Variants in TTC36 observed in about 807,000 individuals in gnomAD.
TTC36 encodes tetratricopeptide repeat domain 36.
In TTC36, 15 loss-of-function variants were observed where a neutral mutation model predicts 17.5. That is an observed-to-expected ratio of 0.86 (90% CI 0.57 to 1.32). The LOEUF (loss-of-function observed/expected upper bound fraction) is 1.32. TTC36 is among the 40% of genes most tolerant of loss of function. The pLI, the probability that TTC36 is intolerant of heterozygous loss-of-function variation, is 0.00. For synonymous variants in TTC36, 112 were observed against 109.8 expected (o/e 1.02, Z -0.13); for missense variants, 292 against 260.9 (o/e 1.12, Z -0.82).
At position 118,530,955 on chromosome 11, in the gene TTC36, A is replaced by C. The variant is rs1555057627; in HGVS notation, c.*39A>C. Reference sequence around the variant, plus strand: ...GGGCGTCCGCGGGCGAGGGGACGGGACTGGGCCCTGAACCAATAAAGCCGT... The same window carrying C: ...GGGCGTCCGCGGGCGAGGGGACGGGCCTGGGCCCTGAACCAATAAAGCCGT... On this transcript the variant is annotated 3_prime_UTR_variant, in exon 3 of 3. Transcript: ENST00000302783. This position sits in a 1 kb window ranked among gnomAD's most constrained non-coding sequence, Gnocchi z 5.8. 1.4e-6 allele frequency: 2 copies of C among 1,468,480 alleles called. No homozygotes were observed. 91.0% of individuals were successfully genotyped at this position (1,468,480 alleles called of 1,614,324 possible).
Position 118,530,814 on chromosome 11 carries a change from C to G in TTC36, c.468C>G (p.Phe156Leu). The change falls in exon 3 of 3, where the codon TTC (phenylalanine) becomes TTG (leucine). Residue 156 changes from phenylalanine to leucine, a missense_variant. By Grantham distance (22) the Phe-to-Leu change is conservative (BLOSUM62 0). Transcript: ENST00000302783. The surrounding 1 kb of genome is among the most constrained non-coding windows in gnomAD (Gnocchi z 5.8). Reference protein sequence around the residue: ...FERAARLGSPFARRQLVLLNP... With the variant: ...FERAARLGSPLARRQLVLLNP... ...GGGCGGCACGGCTGGGCAGCCCCTT[C>G]GCGCGGCGCCAGCTGGTGCTGCTCA... 1 of 1,504,002 alleles carries G rather than the reference C, an allele frequency of 6.6e-7. No homozygotes were observed. The allele number at this position is 1,504,002 out of a possible 1,614,324, so 93.2% of individuals were successfully genotyped here. A position where few individuals can be genotyped will look rare whatever the true frequency, so the allele number is the denominator to read the frequency against.
rs782208685 is a variant in TTC36 at position 118,530,695 on chromosome 11, GGCCGGGGCCGCGCCGCCC to G, written c.353_370del (p.Arg118_Arg123del). 4.7e-6 allele frequency: 7 copies of G among 1,476,932 alleles called. No homozygotes were observed. The Admixed American group carries it at 1.7e-4, about 36-fold the overall frequency. 91.5% of individuals were successfully genotyped at this position (1,476,932 alleles called of 1,614,324 possible). On this transcript the variant is annotated inframe_deletion, in exon 3 of 3. Transcript: ENST00000302783. The surrounding 1 kb of genome is among the most constrained non-coding windows in gnomAD (Gnocchi z 5.8). The stretch of plus-strand genomic sequence containing the variant: ...GGAACGCGCGGTGGAGCTGAGCGGC[GGCCGGGGCCGCGCCGCCC>G]GCCAGAGCTTTGTGCAGCGCGGACT...
chr11:118,530,928 CCGGGCGTCCGCGGGCGAGGGGA>C lies in TTC36; in HGVS notation c.*17_*38del, dbSNP rs1555057589. The C allele has an allele frequency of 4.7e-6, 7 of 1,485,438 alleles. No homozygotes were observed. Among genetic ancestry groups the C allele is most frequent in the East Asian group, 2.8e-5 (1 of 36,118 alleles). 92.0% of individuals were successfully genotyped at this position (1,485,438 alleles called of 1,614,324 possible). On this transcript the variant is annotated 3_prime_UTR_variant, in exon 3 of 3. Coordinates refer to ENST00000302783, the MANE Select transcript of TTC36 (RefSeq NM_001080441.4). This position sits in a 1 kb window ranked among gnomAD's most constrained non-coding sequence, Gnocchi z 5.8. ...GTGACAGCCGCTGAGCGCCGCGGACCCGGGCGTCCGCGGGCGAGGGGACGGGACTGGGCCCTGAACCAATAAA... is the reference window on the plus strand; with the variant it reads ...GTGACAGCCGCTGAGCGCCGCGGACCCGGGACTGGGCCCTGAACCAATAAA...
Position 118,530,943 on chromosome 11 carries a change from C to T in TTC36, c.*27C>T, listed in dbSNP as rs1555057612. ...CGCCGCGGACCCGGGCGTCCGCGGG[C>T]GAGGGGACGGGACTGGGCCCTGAAC... On this transcript the variant is annotated 3_prime_UTR_variant, in exon 3 of 3. Transcript: ENST00000302783. This position sits in a 1 kb window ranked among gnomAD's most constrained non-coding sequence, Gnocchi z 5.8. 3 of 1,478,898 alleles carry T rather than the reference C, an allele frequency of 2.0e-6. No homozygotes were observed. Among genetic ancestry groups the T allele is most frequent in the African/African-American group, 3.0e-5 (2 of 67,510 alleles). The allele number at this position is 1,478,898 out of a possible 1,614,324, so 91.6% of individuals were successfully genotyped here.
In TTC36 at chr11:118,530,894, G is replaced by A. The variant is rs187027064; in HGVS notation, c.548G>A (p.Arg183His). 2 of 1,504,174 alleles carry A rather than the reference G, an allele frequency of 1.3e-6. No homozygotes were observed. The highest frequency in any genetic ancestry group is 2.1e-5 in the Admixed American group (1 of 48,236). The allele number at this position is 1,504,174 out of a possible 1,614,324, so 93.2% of individuals were successfully genotyped here. ...CTGGCCGACATGATGGGGCAGCTGC[G>A]CCGCCCCCGTGACAGCCGCTGAGCG... ...RMLADMMGQLRRPRDSR is the reference protein window; with the variant it reads ...RMLADMMGQLHRPRDSR Residue 183 changes from arginine to histidine, a missense_variant, in exon 3 of 3, where the codon CGC becomes CAC. Physicochemically the swap from Arg to His is conservative, Grantham distance 29. Transcript: ENST00000302783. This position sits in a 1 kb window ranked among gnomAD's most constrained non-coding sequence, Gnocchi z 5.8.
chr11:118,528,007 G>A (rs1951117210), intron 1 of TTC36: 1 of 460,594 alleles, frequency 2.2e-6, no homozygotes, highest in South Asian at 1.5e-5. Context: ...AGCACAACCA[G>A]TAACCGTTAA....
chr11:118,527,829 G>C, intron 1 of TTC36: 1 of 633,552 alleles, frequency 1.6e-6, no homozygotes. Context: ...CGATCCATCA[G>C]CTCTCATGCC....
chr11:118,528,000 A>C, intron 1 of TTC36: 1 of 461,432 alleles, frequency 2.2e-6, no homozygotes, highest in Non-Finnish European at 4.3e-6. Context: ...TATAGCAAGC[A>C]CAACCAGTAA....
intron 1 of TTC36, 33 bp downstream of exon 1, chr11:118,527,645 A>G: frequency 6.5e-7 from 1 of 1,549,092 alleles, no homozygotes; most frequent in Non-Finnish European, 8.9e-7. Context: ...AGCTCTGCAC[A>G]TAGGCTGGCC....
intron 1 of TTC36, 161 bp downstream of exon 1, chr11:118,527,773 T>C: frequency 1.4e-6 from 1 of 694,222 alleles, no homozygotes; most frequent in East Asian, 2.6e-5. Context: ...GATGGGGGTT[T>C]GGTAAGAGAT....
Position 118,528,937 on chromosome 11 carries a change from A to G in TTC36, c.307+146A>G, listed in dbSNP as rs941991738. The G allele has an allele frequency of 2.9e-5, 19 of 650,358 alleles. No individual in the cohort carries two copies. In the Middle Eastern group the frequency reaches 2.2e-3, roughly 74 times the overall value. The allele number at this position is 650,358 out of a possible 1,614,324, so 40.3% of individuals were successfully genotyped here. A position where few individuals can be genotyped will look rare whatever the true frequency, so the allele number is the denominator to read the frequency against. ...TATAAGGTAGGAGTAGTATCAGGGG[A>G]CCTGCTAATATCATGGGGTTAATGT... On this transcript the variant is annotated intron_variant, in intron 2 of 2. Coordinates refer to ENST00000302783, the MANE Select transcript of TTC36 (RefSeq NM_001080441.4).
At chr11:118,529,683 A>C (rs1161105294) in intron 2 of TTC36, among the ~76,000 whole-genome samples, 8 of 151,972 alleles carry the variant, frequency 5.3e-5, no homozygotes, top group Non-Finnish European at 1.0e-4. Flanking sequence ...AACAATGGGA[A>C]CCTCCCAGGA....
Position 118,530,409 on chromosome 11 carries a change from T to G in TTC36, c.308-245T>G. On this transcript the variant is annotated intron_variant, in intron 2 of 2. Coordinates refer to ENST00000302783, the MANE Select transcript of TTC36 (RefSeq NM_001080441.4). The surrounding 1 kb of genome is among the most constrained non-coding windows in gnomAD (Gnocchi z 5.8). ...AAAATAATAGGAACAAGGCGAGACC[T>G]GGACTTCAGTCCCAGCTCTGCCACT... 2 of 439,134 alleles carry G rather than the reference T, an allele frequency of 4.6e-6. No individual in the cohort carries two copies. Among genetic ancestry groups the G allele is most frequent in the Non-Finnish European group, 7.9e-6 (2 of 254,178 alleles). The allele number at this position is 439,134 out of a possible 1,614,324, so 27.2% of individuals were successfully genotyped here. A position where few individuals can be genotyped will look rare whatever the true frequency, so the allele number is the denominator to read the frequency against.
At chr11:118,528,109 C>T (rs1322667183) in intron 1 of TTC36, 8 of 394,042 alleles carry the variant, frequency 2.0e-5, no homozygotes, top group African/African-American at 1.7e-4. Context: ...AGTTTTTGAT[C>T]CTTTGTTTCT....
intron 1 of TTC36, 141 bp from the exon 2 acceptor site, chr11:118,528,462 C>T (rs2135325129): frequency 1.3e-6 from 1 of 790,508 alleles, no homozygotes; most frequent in East Asian, 2.8e-5. Context: ...TCCCCCTACC[C>T]CAAACACTGC....
Position 118,527,516 on chromosome 11 carries a change from G to C in TTC36, c.22G>C (p.Ala8Pro). ...CACCATGGGGACTCCAAATGATCAG[G>C]CAGTGCTGCAGGCCATCTTCAACCC... MGTPNDQ[A>P]VLQAIFNPDT... Residue 8 changes from alanine (A) to proline (P), a missense_variant, in exon 1 of 3, where the codon GCA becomes CCA. Physicochemically the swap from Ala to Pro is conservative, Grantham distance 27. Transcript: ENST00000302783. 6.2e-7 allele frequency: 1 copy of C among 1,614,058 alleles called. No homozygotes were observed. The highest frequency in any genetic ancestry group is 1.7e-4 in the Middle Eastern group (1 of 6,060).
chr11:118,527,657 G>C, intron 1 of TTC36, 45 bp downstream of exon 1: 1 of 1,434,280 alleles, frequency 7.0e-7, no homozygotes, highest in Non-Finnish European at 9.8e-7. Flanking sequence ...AGGCTGGCCT[G>C]CTGGCCTCCC....
At chr11:118,529,274 TG>T (rs1365422763) in intron 2 of TTC36, among the ~76,000 whole-genome samples, 9 of 152,298 alleles carry the variant, frequency 5.9e-5, no homozygotes, top group African/African-American at 2.2e-4. Flanking sequence ...GTCAACCAGG[TG>T]GTAGGGCTCG....
Position 118,530,903 on chromosome 11 carries a change from G to A in TTC36, c.557G>A (p.Arg186His), listed in dbSNP as rs1555057560. 2 of 1,503,118 alleles carry A rather than the reference G, an allele frequency of 1.3e-6. No homozygotes were observed. The highest frequency in any genetic ancestry group is 2.3e-4 in the Middle Eastern group (1 of 4,364). 93.1% of individuals were successfully genotyped at this position (1,503,118 alleles called of 1,614,324 possible). The change falls in exon 3 of 3, where the codon CGT becomes CAT. Residue 186 changes from arginine to histidine, a missense_variant. Coordinates refer to ENST00000302783, the MANE Select transcript of TTC36 (RefSeq NM_001080441.4). This position sits in a 1 kb window ranked among gnomAD's most constrained non-coding sequence, Gnocchi z 5.8. Reference protein sequence around the residue: ...ADMMGQLRRPRDSR With the variant: ...ADMMGQLRRPHDSR Reference sequence around the variant, plus strand: ...ATGATGGGGCAGCTGCGCCGCCCCCGTGACAGCCGCTGAGCGCCGCGGACC... The same window carrying A: ...ATGATGGGGCAGCTGCGCCGCCCCCATGACAGCCGCTGAGCGCCGCGGACC...
Sources: gnomAD v4.1 joint callset for allele counts (sites outside exome capture counted in the v4.1 genomes callset) on GRCh38, gnomAD v4.1.1 for gene constraint, Gnocchi (gnomAD v3.1) non-coding constraint, MANE v1.5 for transcripts, NCBI Gene and HGNC (gene_info 2026-07-23, HGNC 2026-07-21) for gene names.